The following DDX6 variants were observed in gnomAD, a reference collection of about 807,000 sequenced individuals.
DDX6 encodes the protein DEAD-box helicase 6, also known as probable ATP-dependent RNA helicase DDX6.
In DDX6, 7 loss-of-function variants were observed where a neutral mutation model predicts 60.6. That is an observed-to-expected ratio of 0.12 (90% CI 0.07 to 0.22). DDX6 has a LOEUF of 0.22. Among genes scored for constraint, DDX6 ranks in the 10% least tolerant of loss-of-function variants. DDX6 has a pLI of 1.00. For synonymous variants in DDX6, 207 were observed against 201.0 expected (o/e 1.03, Z -0.25); for missense variants, 270 against 589.9 (o/e 0.46, Z 5.62).
chr11:118,754,597 A>C, intron 13 of DDX6, 108 bp downstream of exon 13: 1 of 951,024 alleles, frequency 1.1e-6, no homozygotes, highest in Non-Finnish European at 1.6e-6. Context: ...TGGGTATTTT[A>C]CCCTTTATTG....
At chr11:118,786,570 T>C in intron 1 of DDX6, 52 bp from the exon 2 acceptor site, 1 of 233,934 alleles carries the variant, frequency 4.3e-6, no homozygotes, top group Non-Finnish European at 8.3e-6. Flanking sequence ...AAAACTTTGT[T>C]TCCCTTTTAA....
chr11:118,757,386 A>C, intron 9 of DDX6, 99 bp from the exon 10 acceptor site: 1 of 585,002 alleles, frequency 1.7e-6, no homozygotes, highest in East Asian at 3.1e-5. Context: ...AAACATTAAC[A>C]TGGTCTAAAA....
chr11:118,785,650 A>G (rs1862049850), intron 2 of DDX6, among the ~76,000 whole-genome samples: 1 of 152,110 alleles, frequency 6.6e-6, no homozygotes, highest in African/African-American at 2.4e-5. Context: ...GAGTCTTTAA[A>G]TTTAATACAT....
chr11:118,751,095 A>G lies in DDX6; in HGVS notation c.*1010T>C, dbSNP rs1860751350. On this transcript the variant is annotated 3_prime_UTR_variant, in exon 14 of 14. Coordinates refer to ENST00000534980, the MANE Select transcript of DDX6 (RefSeq NM_004397.6). ...TATATATATATATATATGAACCCAG[A>G]AAAAAAACTTATTTACAAAGTTATA... 3.2e-5 allele frequency: 1 copy of G among 31,400 alleles called. No individual in the cohort carries two copies. Among genetic ancestry groups the G allele is most frequent in the East Asian group, 8.7e-4 (1 of 1,146 alleles). The allele number at this position is 31,400 out of a possible 1,614,324, so 1.9% of individuals were successfully genotyped here.
chr11:118,749,346 C>A lies in DDX6; in HGVS notation c.*2759G>T, dbSNP rs1860668886. 2.1e-5 allele frequency: 1 copy of A among 48,568 alleles called. No homozygotes were observed. The highest frequency in any genetic ancestry group is 6.5e-5 in the African/African-American group (1 of 15,386). 3.0% of individuals were successfully genotyped at this position (48,568 alleles called of 1,614,324 possible). ...TAGTAACAATGCTTATTATGAGGGCCCAAAAAAGAAAGAAAAAAAAAAAAA... is the reference window on the plus strand; with the variant it reads ...TAGTAACAATGCTTATTATGAGGGCACAAAAAAGAAAGAAAAAAAAAAAAA... On this transcript the variant is annotated 3_prime_UTR_variant, in exon 14 of 14. Coordinates refer to ENST00000534980, the MANE Select transcript of DDX6 (RefSeq NM_004397.6).
At chr11:118,758,595 A>G (rs1253857857) in intron 9 of DDX6, among the ~76,000 whole-genome samples, 179 bp downstream of exon 9, 1 of 152,102 alleles carries the variant, frequency 6.6e-6, no homozygotes, top group African/African-American at 2.4e-5. Flanking sequence ...CTGGTCTCAA[A>G]CTCCTGACCT....
chr11:118,763,076 A>C (rs1861229335), intron 7 of DDX6, 136 bp downstream of exon 7: 1 of 560,956 alleles, frequency 1.8e-6, no homozygotes, highest in Non-Finnish European at 3.0e-6. Context: ...ACATTTTATA[A>C]GCAAATTAAT....
intron 13 of DDX6, 119 bp downstream of exon 13, chr11:118,754,586 G>C (rs1860900106): frequency 1.2e-6 from 1 of 809,062 alleles, no homozygotes; most frequent in Non-Finnish European, 2.0e-6. Flanking sequence ...ATTTATGCTA[G>C]TGGGTATTTT....
At chr11:118,753,591 G>T (rs1860859766) in intron 13 of DDX6, among the ~76,000 whole-genome samples, 1 of 151,846 alleles carries the variant, frequency 6.6e-6, no homozygotes, top group Admixed American at 6.6e-5. Flanking sequence ...GCCCACCTCG[G>T]CCTCCCAAAG....
intron 9 of DDX6, 100 bp from the exon 10 acceptor site, chr11:118,757,387 T>C (rs1861012219): frequency 3.4e-6 from 2 of 586,018 alleles, no homozygotes; most frequent in East Asian, 6.1e-5. Flanking sequence ...AACATTAACA[T>C]GGTCTAAAAC....
intron 2 of DDX6, among the ~76,000 whole-genome samples, chr11:118,785,261 C>T (rs1334622739): frequency 6.6e-6 from 1 of 152,110 alleles, no homozygotes; most frequent in African/African-American, 2.4e-5. Flanking sequence ...TAAGAGGAGG[C>T]TCTTCAATTT....
chr11:118,758,108 CTT>C (rs1861040555), intron 9 of DDX6, among the ~76,000 whole-genome samples: 1 of 152,190 alleles, frequency 6.6e-6, no homozygotes. Flanking sequence ...TGTCAGGTGA[CTT>C]AAACTCTTTG....
chr11:118,765,565 A>C (rs1240573282), intron 5 of DDX6, among the ~76,000 whole-genome samples: 2 of 150,618 alleles, frequency 1.3e-5, no homozygotes, highest in Admixed American at 1.3e-4. Flanking sequence ...ACCTGAGGTC[A>C]GGAGTTCGAG....
At chr11:118,766,790 G>T (rs1263005548) in intron 5 of DDX6, among the ~76,000 whole-genome samples, 1 of 151,510 alleles carries the variant, frequency 6.6e-6, no homozygotes, top group East Asian at 2.0e-4. Context: ...TGTTGGCCCA[G>T]CTGGTCTCAA....
intron 1 of DDX6, chr11:118,786,856 C>G (rs1282516841): frequency 2.0e-5 from 3 of 152,232 alleles, no homozygotes; most frequent in African/African-American, 4.8e-5. Flanking sequence ...CTCTAAAAGT[C>G]AGTGATTCAT....
chr11:118,773,861 A>C (rs1861614433), intron 4 of DDX6, among the ~76,000 whole-genome samples: 1 of 143,466 alleles, frequency 7.0e-6, no homozygotes, highest in Admixed American at 7.0e-5. Flanking sequence ...CAAAACACAC[A>C]CCAAAAAAAA....
chr11:118,765,494 T>A, intron 5 of DDX6, 139 bp from the exon 6 acceptor site: 4 of 876,182 alleles, frequency 4.6e-6, no homozygotes, highest in Non-Finnish European at 7.2e-6. Flanking sequence ...TAACTGCACC[T>A]TATGATGCAG....
At chr11:118,761,801 A>C (rs139254246) in intron 7 of DDX6, among the ~76,000 whole-genome samples, 84 of 151,798 alleles carry the variant, frequency 5.5e-4, no homozygotes, top group Non-Finnish European at 1.1e-3. Context: ...GGATGTCTAC[A>C]TACTATAGTA....
intron 2 of DDX6, among the ~76,000 whole-genome samples, chr11:118,785,034 C>G (rs1328407229): frequency 2.0e-5 from 3 of 152,290 alleles, no homozygotes; most frequent in East Asian, 1.9e-4. Context: ...TCCCAATGTG[C>G]TTGGACTACA....
Sources: gnomAD v4.1 joint callset for allele counts (sites outside exome capture counted in the v4.1 genomes callset) on GRCh38, gnomAD v4.1.1 for gene constraint, MANE v1.5 for transcripts, NCBI Gene and HGNC (gene_info 2026-07-23, HGNC 2026-07-21) for gene names.